Variants in RUNX2 observed in about 807,000 individuals in gnomAD.
RUNX2 encodes runt-related transcription factor 2.
In RUNX2, 10 loss-of-function variants were observed where a neutral mutation model predicts 51.7. The ratio of observed to expected loss-of-function variants is 0.19; its 90% CI spans 0.12 to 0.33. RUNX2 has a LOEUF of 0.33. Among genes scored for constraint, RUNX2 ranks in the 10% least tolerant of loss-of-function variants. RUNX2 has a pLI of 1.00. For missense variants in RUNX2, 562 were observed against 691.3 expected (o/e 0.81, Z 2.10); for synonymous variants, 276 against 273.6 (o/e 1.01, Z -0.09).
intron 2 of RUNX2, among the ~76,000 whole-genome samples, chr6:45,345,684 G>A (rs753053630): frequency 2.6e-5 from 4 of 152,018 alleles, no homozygotes; most frequent in Non-Finnish European, 4.4e-5. Flanking sequence ...ACTACAATAG[G>A]TCTTTCCACA....
chr6:45,422,677 CGCAACAGCAGCA>C lies in RUNX2; in HGVS notation c.159_170del (p.Gln68_Gln71del), dbSNP rs758522642. 123 of 1,605,258 alleles carry C rather than the reference CGCAACAGCAGCA, an allele frequency of 7.7e-5. No homozygotes were observed. Among genetic ancestry groups the C allele is most frequent in the Admixed American group, 2.2e-4 (13 of 58,776 alleles). ...AGCGACGTGAGCCCGGTGGTGGCTG[CGCAACAGCAGCA>C]GCAACAGCAGCAGCAGCAACAGCAG... is the stretch of plus-strand genomic sequence containing the variant. On this transcript the variant is annotated inframe_deletion, in exon 3 of 9. Coordinates refer to ENST00000647337, the MANE Select transcript of RUNX2 (RefSeq NM_001024630.4).
chr6:45,402,153 C>G (rs1416979827), intron 2 of RUNX2, among the ~76,000 whole-genome samples: 3 of 152,230 alleles, frequency 2.0e-5, no homozygotes, highest in Non-Finnish European at 4.4e-5. Flanking sequence ...TTGTTTGCCA[C>G]TTCACTTTCT....
chr6:45,522,989 G>A (rs940900081), intron 7 of RUNX2, among the ~76,000 whole-genome samples: 2 of 152,210 alleles, frequency 1.3e-5, no homozygotes, highest in South Asian at 2.1e-4. Context: ...ATCAAACAAC[G>A]TTGTTGCTCT....
chr6:45,439,983 A>T (rs1798796181), intron 5 of RUNX2, among the ~76,000 whole-genome samples: 1 of 152,194 alleles, frequency 6.6e-6, no homozygotes, highest in African/African-American at 2.4e-5. Context: ...TTAGGAGTAG[A>T]GGGGCCAGGT....
chr6:45,505,184 CAT>C (rs748457858), intron 6 of RUNX2, among the ~76,000 whole-genome samples: 1 of 152,186 alleles, frequency 6.6e-6, no homozygotes, highest in Non-Finnish European at 1.5e-5. Context: ...CACACCCACA[CAT>C]GTTTAACCAA....
intron 7 of RUNX2, among the ~76,000 whole-genome samples, chr6:45,537,832 C>T (rs906811207): frequency 6.6e-6 from 1 of 152,146 alleles, no homozygotes; most frequent in East Asian, 1.9e-4. Flanking sequence ...GGGAGCGCCT[C>T]AAAGGGCAGA....
chr6:45,515,620 A>G (rs1801296981), intron 7 of RUNX2, among the ~76,000 whole-genome samples: 1 of 152,216 alleles, frequency 6.6e-6, no homozygotes. Context: ...CCCTTAGATT[A>G]TCTAAATAAG....
At chr6:45,383,644 C>G (rs1797288700) in intron 2 of RUNX2, among the ~76,000 whole-genome samples, 2 of 152,082 alleles carry the variant, frequency 1.3e-5, no homozygotes, top group Non-Finnish European at 2.9e-5. Flanking sequence ...ATTTTTTGGT[C>G]TATTAATCCA....
At chr6:45,532,192 A>G (rs1292450367) in intron 7 of RUNX2, among the ~76,000 whole-genome samples, 1 of 99,408 alleles carries the variant, frequency 1.0e-5, no homozygotes, top group Non-Finnish European at 1.9e-5. Flanking sequence ...TTTTTTGCAC[A>G]TTGAATGTAT....
At chr6:45,526,358 C>G (rs1801673631) in intron 7 of RUNX2, among the ~76,000 whole-genome samples, 1 of 152,102 alleles carries the variant, frequency 6.6e-6, no homozygotes, top group African/African-American at 2.4e-5. Flanking sequence ...TTTGTTAACC[C>G]TCTTTACATG....
At chr6:45,530,207 G>A (rs560948732) in intron 7 of RUNX2, among the ~76,000 whole-genome samples, 3 of 152,158 alleles carry the variant, frequency 2.0e-5, no homozygotes, top group Non-Finnish European at 4.4e-5. Context: ...ACCCCTCCCA[G>A]GGGTCTTCCT....
At chr6:45,422,438 T>C (rs1798225911) in intron 2 of RUNX2, 155 bp from the exon 3 acceptor site, 4 of 672,716 alleles carry the variant, frequency 5.9e-6, no homozygotes, top group South Asian at 5.0e-5. Flanking sequence ...TCATCAAACT[T>C]GATTTCTCAC....
intron 2 of RUNX2, among the ~76,000 whole-genome samples, chr6:45,396,438 C>A (rs72862932): frequency 0.013 from 2,012 of 152,286 alleles, 25 homozygotes; most frequent in Non-Finnish European, 0.021. Context: ...CCTAGACAAC[C>A]ACTAGTCTAC....
intron 4 of RUNX2, among the ~76,000 whole-genome samples, chr6:45,433,793 A>T (rs1798608643): frequency 6.6e-6 from 1 of 152,234 alleles, no homozygotes; most frequent in Non-Finnish European, 1.5e-5. Flanking sequence ...TATTTAAAAA[A>T]AAAGACAGAC....
chr6:45,533,409 C>T (rs1196932900), intron 7 of RUNX2, among the ~76,000 whole-genome samples: 1 of 129,556 alleles, frequency 7.7e-6, no homozygotes, highest in East Asian at 2.2e-4. Flanking sequence ...GAAGAGAAAT[C>T]ATCTCTTGTC....
intron 5 of RUNX2, among the ~76,000 whole-genome samples, chr6:45,440,960 G>C (rs992989256): frequency 5.3e-5 from 8 of 152,082 alleles, no homozygotes; most frequent in African/African-American, 1.9e-4. Context: ...AAAAATAATT[G>C]GTGGGCCAAG....
intron 2 of RUNX2, among the ~76,000 whole-genome samples, chr6:45,406,169 C>T (rs766987258): frequency 2.0e-5 from 3 of 152,126 alleles, no homozygotes; most frequent in African/African-American, 4.8e-5. Context: ...TTATTTTCCA[C>T]GACTCCCCAG....
chr6:45,416,076 T>C (rs1798063922), intron 2 of RUNX2, among the ~76,000 whole-genome samples: 1 of 152,138 alleles, frequency 6.6e-6, no homozygotes, highest in Non-Finnish European at 1.5e-5. Flanking sequence ...TAGAAAAGCA[T>C]GGGGAAAAAC....
intron 7 of RUNX2, among the ~76,000 whole-genome samples, chr6:45,537,599 C>G (rs1802078586): frequency 6.6e-6 from 1 of 152,170 alleles, no homozygotes; most frequent in Non-Finnish European, 1.5e-5. Context: ...TGGTTAGCCA[C>G]TCTTTCCTCT....
Sources: gnomAD v4.1 joint callset for allele counts (sites outside exome capture counted in the v4.1 genomes callset) on GRCh38, gnomAD v4.1.1 for gene constraint, MANE v1.5 for transcripts, NCBI Gene and HGNC (gene_info 2026-07-23, HGNC 2026-07-21) for gene names.